Variants in CAMKK2 observed in about 807,000 individuals in gnomAD.
The protein encoded by CAMKK2 is calcium/calmodulin-dependent protein kinase kinase 2.
CAMKK2 carries 30 observed loss-of-function variants against 67.2 expected under a neutral mutation model. The ratio of observed to expected loss-of-function variants is 0.45; its 90% CI spans 0.33 to 0.61. CAMKK2 has a LOEUF of 0.61. Among genes scored for constraint, CAMKK2 ranks in the 20% least tolerant of loss-of-function variants. The pLI is 0.02. For missense variants in CAMKK2, 643 were observed against 802.0 expected (o/e 0.80, Z 2.39); for synonymous variants, 322 against 326.2 (o/e 0.99, Z 0.14).
At chr12:121,270,806 C>A in intron 3 of CAMKK2, 92 bp downstream of exon 3, 1 of 1,008,216 alleles carries the variant, frequency 9.9e-7, no homozygotes, top group South Asian at 1.4e-5. Context: ...TCAAAGACTC[C>A]TCTCCTGCTC....
chr12:121,251,071 A>G (rs940926928), intron 11 of CAMKK2, among the ~76,000 whole-genome samples: 2 of 152,216 alleles, frequency 1.3e-5, no homozygotes, highest in African/African-American at 4.8e-5. Flanking sequence ...AGGAATCCTT[A>G]CACGGGACAC....
chr12:121,293,942 T>C (rs1206257205), intron 1 of CAMKK2, among the ~76,000 whole-genome samples: 1 of 151,992 alleles, frequency 6.6e-6, no homozygotes, highest in African/African-American at 2.4e-5. Context: ...GTTTTTTGTT[T>C]GTTTTTTGAG....
chr12:121,255,772 G>A lies in CAMKK2; in HGVS notation c.818+11C>T, dbSNP rs199896339. On this transcript the variant is annotated intron_variant, in intron 8 of 16. Transcript: ENST00000404169. ...TCTTGCATCACCCCTGCTGGGAGCT[G>A]GGACACTCACCCTTGGTTGACCAGT... 5.1e-5 allele frequency: 82 copies of A among 1,613,682 alleles called. No individual in the cohort carries two copies. The highest frequency in any genetic ancestry group is 6.9e-5 in the Non-Finnish European group (81 of 1,179,766).
chr12:121,289,920 G>A (rs916351175), intron 1 of CAMKK2, among the ~76,000 whole-genome samples: 7 of 93,334 alleles, frequency 7.5e-5, no homozygotes, highest in East Asian at 3.0e-4. Flanking sequence ...AAGGCGGGGC[G>A]GGGAGCCAAG....
In CAMKK2 at chr12:121,285,008, A is replaced by G. The variant is rs1898459828; in HGVS notation, c.-59-10423T>C. 6.6e-6 allele frequency among the ~76,000 whole-genome samples: 1 copy of G among 152,228 alleles called. No homozygotes were observed. The highest frequency in any genetic ancestry group is 2.1e-4 in the South Asian group (1 of 4,834). On this transcript the variant is annotated intron_variant, in intron 1 of 16. Coordinates refer to ENST00000404169, the MANE Select transcript of CAMKK2 (RefSeq NM_001270485.2). The surrounding 1 kb of genome is among the most constrained non-coding windows in gnomAD (Gnocchi z 4.1). ...TTCTTCTGTCCCAAGGCCACTCAGA[A>G]GGTCAGAAGCTTTCTTTAGCTGGCC...
intron 7 of CAMKK2, 51 bp from the exon 8 acceptor site, chr12:121,255,855 C>G: frequency 6.4e-7 from 1 of 1,569,930 alleles, no homozygotes. Flanking sequence ...GAACATCCAT[C>G]TCTCTCTGTC....
chr12:121,264,691 G>A (rs568678936), intron 5 of CAMKK2, among the ~76,000 whole-genome samples: 2 of 151,988 alleles, frequency 1.3e-5, no homozygotes, highest in East Asian at 1.9e-4. Context: ...GGAGAATGGC[G>A]TGAACCTGGG....
At chr12:121,276,902 T>TGGGG (rs3078969) in intron 1 of CAMKK2, among the ~76,000 whole-genome samples, 1 of 46,644 alleles carries the variant, frequency 2.1e-5, no homozygotes, top group Admixed American at 2.7e-4. Flanking sequence ...AAGGGCGGGG[T>TGGGG]GGGGGGGGGG....
In CAMKK2 at chr12:121,293,252, G is replaced by A. The variant is rs377294878; in HGVS notation, c.-60+3386C>T. ...AGATCACACCACTGTACTCTGGCTC[G>A]GGCAACAAGAGGGAAACTCCATCTC... is the stretch of plus-strand genomic sequence containing the variant. On this transcript the variant is annotated intron_variant, in intron 1 of 16. Transcript: ENST00000404169. Among the ~76,000 whole-genome samples, 7 of 152,198 alleles carry A rather than the reference G, an allele frequency of 4.6e-5. No individual in the cohort carries two copies. In the South Asian group the frequency reaches 6.2e-4, roughly 14 times the overall value.
chr12:121,262,943 A>C (rs1363380790), intron 6 of CAMKK2, among the ~76,000 whole-genome samples: 1 of 152,164 alleles, frequency 6.6e-6, no homozygotes, highest in African/African-American at 2.4e-5. Flanking sequence ...AACTCATATA[A>C]GTGAAAGTGC....
At chr12:121,293,854 G>A (rs745722062) in intron 1 of CAMKK2, among the ~76,000 whole-genome samples, 3 of 152,096 alleles carry the variant, frequency 2.0e-5, no homozygotes, top group East Asian at 1.9e-4. Flanking sequence ...GTGCTCCTTC[G>A]ATCACAACAG....
chr12:121,243,294 G>C (rs1315900561), intron 16 of CAMKK2, among the ~76,000 whole-genome samples: 1 of 151,704 alleles, frequency 6.6e-6, no homozygotes, highest in African/African-American at 2.4e-5. Context: ...GCCTCCCAAA[G>C]TGCTGGGATT....
intron 1 of CAMKK2, among the ~76,000 whole-genome samples, chr12:121,294,119 G>A (rs200708552): frequency 4.6e-5 from 7 of 151,944 alleles, no homozygotes; most frequent in African/African-American, 1.7e-4. Flanking sequence ...TTTTAGTAGA[G>A]ATGGGGTTTC....
intron 1 of CAMKK2, among the ~76,000 whole-genome samples, chr12:121,293,437 CA>C (rs1379249580): frequency 6.6e-6 from 1 of 152,162 alleles, no homozygotes; most frequent in Non-Finnish European, 1.5e-5. Context: ...AAGAAGATCA[CA>C]GGTGACCCTG....
In CAMKK2 at chr12:121,268,650, C is replaced by A. The variant is rs759417993; in HGVS notation, c.613G>T (p.Ala205Ser). 1.2e-6 allele frequency: 2 copies of A among 1,613,984 alleles called. No homozygotes were observed. Among genetic ancestry groups the A allele is most frequent in the African/African-American group, 2.7e-5 (2 of 74,936 alleles). ...VLSKKKLIRQ[A>S]GFPRRPPPRG... ...CCGCCAAACTCACGTGGAAAGCCGGCCTGCCGGATCAGCTTCTTTTTGGAC... is the reference window on the plus strand; with the variant it reads ...CCGCCAAACTCACGTGGAAAGCCGGACTGCCGGATCAGCTTCTTTTTGGAC... The change falls in exon 5 of 17, where the codon GCC becomes TCC. Residue 205 changes from alanine to serine, a missense_variant. Physicochemically the swap from Ala to Ser is moderately conservative, Grantham distance 99. This residue lies in a region of CAMKK2 where 483 missense variants were observed against 625.8 expected (regional missense o/e 0.77). Coordinates refer to ENST00000404169, the MANE Select transcript of CAMKK2 (RefSeq NM_001270485.2).
intron 1 of CAMKK2, among the ~76,000 whole-genome samples, chr12:121,290,296 T>C (rs1376435589): frequency 6.6e-6 from 1 of 152,228 alleles, no homozygotes; most frequent in East Asian, 1.9e-4. Context: ...CACAGGGCCG[T>C]GGCACTATCT....
intron 3 of CAMKK2, 113 bp from the exon 4 acceptor site, chr12:121,269,694 A>G: frequency 3.8e-6 from 3 of 792,866 alleles, no homozygotes; most frequent in Non-Finnish European, 4.2e-6. Context: ...CTGTCCCGCA[A>G]CTGTATTTTG....
At chr12:121,247,424 T>C (rs572042165) in intron 14 of CAMKK2, among the ~76,000 whole-genome samples, 1 of 152,194 alleles carries the variant, frequency 6.6e-6, no homozygotes, top group South Asian at 2.1e-4. Flanking sequence ...GGCCAGACGC[T>C]TTCTCCCAAG....
intron 1 of CAMKK2, among the ~76,000 whole-genome samples, chr12:121,277,395 G>T (rs1897012541): frequency 6.6e-6 from 1 of 152,202 alleles, no homozygotes; most frequent in Non-Finnish European, 1.5e-5. Flanking sequence ...AGACCCAAAA[G>T]AATTGAAGGT....
Sources: allele counts gnomAD v4.1 joint callset (sites outside exome capture counted in the v4.1 genomes callset), GRCh38; gene constraint gnomAD v4.1.1; regional missense constraint gnomAD v4.1.1; non-coding constraint Gnocchi (gnomAD v3.1); transcripts MANE v1.5; gene names NCBI Gene and HGNC (gene_info 2026-07-23, HGNC 2026-07-21).